The following RTN1 variants were observed in gnomAD, a reference collection of about 807,000 sequenced individuals.
RTN1 encodes the protein reticulon-1.
RTN1 carries 25 observed loss-of-function variants against 65.5 expected under a neutral mutation model. The ratio of observed to expected loss-of-function variants is 0.38; its 90% CI spans 0.28 to 0.53. RTN1 has a LOEUF of 0.53. Among genes scored for constraint, RTN1 ranks in the 20% least tolerant of loss-of-function variants. The pLI is 0.79. For missense variants in RTN1, 983 were observed against 1,025.4 expected, an observed-to-expected ratio of 0.96 and a Z score of 0.57; for synonymous variants, 471 against 447.6, an observed-to-expected ratio of 1.05 and a Z score of -0.66.
chr14:59,684,576 T>C (rs1883807730), intron 3 of RTN1, among the ~76,000 whole-genome samples: 1 of 152,116 alleles, frequency 6.6e-6, no homozygotes, highest in Non-Finnish European at 1.5e-5. Flanking sequence ...TAAGATTCAA[T>C]AAATTCTCTA....
At chr14:59,739,015 G>A (rs1238678857) in intron 2 of RTN1, among the ~76,000 whole-genome samples, 1 of 152,084 alleles carries the variant, frequency 6.6e-6, no homozygotes, top group Non-Finnish European at 1.5e-5. Context: ...TGAAGGGGGA[G>A]GAAGGAGAGC....
intron 5 of RTN1, chr14:59,604,213 G>T: frequency 5.4e-6 from 1 of 183,996 alleles, no homozygotes; most frequent in East Asian, 1.2e-4. Flanking sequence ...GTTAATAAAG[G>T]TTTTTACATT....
At chr14:59,641,301 A>G (rs937380125) in intron 3 of RTN1, among the ~76,000 whole-genome samples, 2 of 151,860 alleles carry the variant, frequency 1.3e-5, no homozygotes, top group Non-Finnish European at 2.9e-5. Context: ...GAAATTAATC[A>G]AGTATATTTT....
At chr14:59,859,545 CTGAAAAGATACTGGAAAACA>C (rs902035419) in intron 1 of RTN1, among the ~76,000 whole-genome samples, 1 of 152,104 alleles carries the variant, frequency 6.6e-6, no homozygotes, top group African/African-American at 2.4e-5. Flanking sequence ...TGGGGTGCTG[CTGAAAAGATACTGGAAAACA>C]TGAAAAGATA....
At chr14:59,669,900 C>A (rs1883465984) in intron 3 of RTN1, among the ~76,000 whole-genome samples, 1 of 152,226 alleles carries the variant, frequency 6.6e-6, no homozygotes, top group African/African-American at 2.4e-5. Context: ...CTTCATCATG[C>A]AGACTCCTTG....
At chr14:59,615,815 GAGAT>G (rs1882085700) in intron 3 of RTN1, among the ~76,000 whole-genome samples, 1 of 152,270 alleles carries the variant, frequency 6.6e-6, no homozygotes, top group East Asian at 1.9e-4. Context: ...AGAAAGAAAA[GAGAT>G]AGATTTATTT....
At chr14:59,716,211 AGGCCAATTACCT>A (rs1198766819) in intron 3 of RTN1, among the ~76,000 whole-genome samples, 2 of 152,262 alleles carry the variant, frequency 1.3e-5, no homozygotes, top group Non-Finnish European at 1.5e-5. Context: ...GCTTGTAAGC[AGGCCAATTACCT>A]GGAAATCAAT....
rs1162435561 is a variant in RTN1, at chr14:59,803,095, A to C, written c.242-56614T>G. Among the ~76,000 whole-genome samples, 1 of 152,194 alleles carries C rather than the reference A, an allele frequency of 6.6e-6. No homozygotes were observed. Among genetic ancestry groups the C allele is most frequent in the Non-Finnish European group, 1.5e-5 (1 of 68,030 alleles). Reference sequence around the variant, plus strand: ...ACTGGGATAAGCACACAGGCCATGCAGAAAACCGCTGTCTATCTAAATGAA... The same window carrying C: ...ACTGGGATAAGCACACAGGCCATGCCGAAAACCGCTGTCTATCTAAATGAA... On this transcript the variant is annotated intron_variant, in intron 1 of 8. Coordinates refer to ENST00000267484, the MANE Select transcript of RTN1 (RefSeq NM_021136.3). This position sits in a 1 kb window ranked among gnomAD's most constrained non-coding sequence, Gnocchi z 5.6.
At chr14:59,598,264 T>C (rs1044221196) in intron 8 of RTN1, among the ~76,000 whole-genome samples, 2 of 152,158 alleles carry the variant, frequency 1.3e-5, no homozygotes, top group East Asian at 3.9e-4. Flanking sequence ...ACTGAATGCA[T>C]AGGCTAGGAT....
chr14:59,623,987 C>G (rs1882324967), intron 3 of RTN1, among the ~76,000 whole-genome samples: 1 of 152,164 alleles, frequency 6.6e-6, no homozygotes. Flanking sequence ...ACATTTAAAG[C>G]ATTTTCTTTG....
chr14:59,743,979 G>C (rs1053336394), intron 2 of RTN1, among the ~76,000 whole-genome samples: 5 of 152,184 alleles, frequency 3.3e-5, no homozygotes, highest in African/African-American at 7.2e-5. Flanking sequence ...GAAAGTGTTT[G>C]TTGCGTGAAT....
intron 1 of RTN1, among the ~76,000 whole-genome samples, chr14:59,855,102 C>T (rs1278449371): frequency 6.6e-6 from 1 of 152,168 alleles, no homozygotes. Context: ...AAACATGAGG[C>T]AATATACCTG....
intron 1 of RTN1, among the ~76,000 whole-genome samples, chr14:59,748,724 G>T (rs1885282791): frequency 6.6e-6 from 1 of 151,972 alleles, no homozygotes; most frequent in Non-Finnish European, 1.5e-5. Flanking sequence ...CACCAATATA[G>T]GCACCTAAAA....
intron 1 of RTN1, among the ~76,000 whole-genome samples, chr14:59,811,838 C>G: frequency 6.6e-6 from 1 of 152,158 alleles, no homozygotes; most frequent in East Asian, 1.9e-4. Context: ...AGCAGCGGTT[C>G]TCAACCCTAA....
intron 3 of RTN1, among the ~76,000 whole-genome samples, chr14:59,650,296 A>G (rs895523770): frequency 6.6e-6 from 1 of 152,116 alleles, no homozygotes; most frequent in Non-Finnish European, 1.5e-5. Context: ...AATATCTAAT[A>G]CATGCAGGGC....
At position 59,655,533 on chromosome 14, in the gene RTN1, CAA is replaced by C. The variant is rs143760805; in HGVS notation, c.1766-48043_1766-48042del. Among the ~76,000 whole-genome samples, 316 of 152,284 alleles carry C rather than the reference CAA, an allele frequency of 2.1e-3. 9 individuals are homozygous for C. In the East Asian group the frequency reaches 0.058, roughly 28 times the overall value. Reference sequence around the variant, plus strand: ...TAAACAAAATAATCTTGAAAAAGGACAAAGTTGTAGGCCTCATACTCCTTGGT... The same window carrying C: ...TAAACAAAATAATCTTGAAAAAGGACAGTTGTAGGCCTCATACTCCTTGGT... On this transcript the variant is annotated intron_variant, in intron 3 of 8. Coordinates refer to ENST00000267484, the MANE Select transcript of RTN1 (RefSeq NM_021136.3).
chr14:59,789,540 G>T lies in RTN1; in HGVS notation c.242-43059C>A, dbSNP rs528230899. ...AACTTTTATGCAAATGAGCTTGAAA[G>T]CCTCATTGAAATGGATGCTTTTCTA... is the stretch of plus-strand genomic sequence containing the variant. On this transcript the variant is annotated intron_variant, in intron 1 of 8. Coordinates refer to ENST00000267484, the MANE Select transcript of RTN1 (RefSeq NM_021136.3). 5.3e-5 allele frequency among the ~76,000 whole-genome samples: 8 copies of T among 152,228 alleles called. No homozygotes were observed. The South Asian group carries it at 6.2e-4, about 12-fold the overall frequency.
intron 3 of RTN1, among the ~76,000 whole-genome samples, chr14:59,714,802 A>C (rs1884500028): frequency 6.6e-6 from 1 of 152,224 alleles, no homozygotes; most frequent in African/African-American, 2.4e-5. Context: ...CCCTGGCCGC[A>C]GACTGGTACT....
chr14:59,748,848 G>A (rs1037711754), intron 1 of RTN1, among the ~76,000 whole-genome samples: 2 of 151,882 alleles, frequency 1.3e-5, no homozygotes, highest in Admixed American at 1.3e-4. Context: ...GGAGTGCAGT[G>A]GAGCGATCTT....
Sources: allele counts gnomAD v4.1 joint callset (sites outside exome capture counted in the v4.1 genomes callset), GRCh38; gene constraint gnomAD v4.1.1; non-coding constraint Gnocchi (gnomAD v3.1); transcripts MANE v1.5; gene names NCBI Gene and HGNC (gene_info 2026-07-23, HGNC 2026-07-21).